The following NRG3 variants were observed in gnomAD, a reference collection of about 807,000 sequenced individuals.
NRG3 encodes the protein pro-neuregulin-3, membrane-bound isoform.
A neutral mutation model predicts 66.9 loss-of-function variants in NRG3; 31 were observed. The ratio of observed to expected loss-of-function variants is 0.46; its 90% CI spans 0.35 to 0.63. The LOEUF (loss-of-function observed/expected upper bound fraction) is 0.63, where lower values mean the gene tolerates loss of function less well. NRG3 is among the 20% of genes least tolerant of loss of function. The pLI is 0.00. For missense variants in NRG3, 910 were observed against 878.9 expected, an observed-to-expected ratio of 1.04 and a Z score of -0.45; for synonymous variants, 393 against 359.4, an observed-to-expected ratio of 1.09 and a Z score of -1.06.
At chr10:82,013,315 T>C (rs1326255034) in intron 1 of NRG3, among the ~76,000 whole-genome samples, 1 of 152,164 alleles carries the variant, frequency 6.6e-6, no homozygotes, top group African/African-American at 2.4e-5. Context: ...CTCCCATGAT[T>C]CAATTATCTC....
intron 1 of NRG3, among the ~76,000 whole-genome samples, chr10:81,973,314 G>A (rs1000782485): frequency 1.3e-5 from 2 of 152,112 alleles, no homozygotes; most frequent in African/African-American, 4.8e-5. Flanking sequence ...TATCACTGAT[G>A]GACATTTAGA....
At chr10:82,201,216 A>C (rs1266796957) in intron 1 of NRG3, among the ~76,000 whole-genome samples, 1 of 150,390 alleles carries the variant, frequency 6.6e-6, no homozygotes, top group Non-Finnish European at 1.5e-5. Context: ...AAAAAAAAAA[A>C]AGACAGCTGT....
chr10:82,556,929 A>G (rs528108784), intron 2 of NRG3, among the ~76,000 whole-genome samples: 1 of 152,298 alleles, frequency 6.6e-6, no homozygotes, highest in African/African-American at 2.4e-5. Context: ...ACTAAGGATA[A>G]TGGCCTCCAA....
At chr10:82,315,102 A>G (rs889343868) in intron 1 of NRG3, among the ~76,000 whole-genome samples, 4 of 152,112 alleles carry the variant, frequency 2.6e-5, no homozygotes, top group Admixed American at 2.0e-4. Flanking sequence ...CAATTTCCAT[A>G]CTGTATTTAT....
At chr10:82,834,904 G>C (rs1404761758) in intron 3 of NRG3, among the ~76,000 whole-genome samples, 1 of 152,176 alleles carries the variant, frequency 6.6e-6, no homozygotes, top group African/African-American at 2.4e-5. Flanking sequence ...TTCTCCTCTG[G>C]TTGTCTGAAG....
rs182957197 is a variant in NRG3 at position 81,928,075 on chromosome 10, C to T, written c.823+51912C>T. The stretch of plus-strand genomic sequence containing the variant: ...ATCACAGCTTGGGTTCAAACAGATT[C>T]AACTGCAAATCTTAAAGAAATATAT... On this transcript the variant is annotated intron_variant, in intron 1 of 8. Coordinates refer to ENST00000372141, the MANE Select transcript of NRG3 (RefSeq NM_001010848.4). 1.2e-3 allele frequency among the ~76,000 whole-genome samples: 177 copies of T among 152,228 alleles called. 1 individual carries two copies. The highest frequency in any genetic ancestry group is 0.01 in the Middle Eastern group (3 of 294).
At chr10:81,932,062 T>G (rs930730500) in intron 1 of NRG3, among the ~76,000 whole-genome samples, 19 of 152,232 alleles carry the variant, frequency 1.2e-4, no homozygotes, top group Non-Finnish European at 2.4e-4. Flanking sequence ...AGCTGGATGC[T>G]GATATCTCTT....
At chr10:81,944,383 G>T (rs192286793) in intron 1 of NRG3, among the ~76,000 whole-genome samples, 2 of 152,196 alleles carry the variant, frequency 1.3e-5, no homozygotes, top group Non-Finnish European at 2.9e-5. Flanking sequence ...TGCATAATAT[G>T]CAGTGTCTCA....
In NRG3 at chr10:82,738,569, T is replaced by A. The variant is rs2058267411; in HGVS notation, c.954-8T>A. On this transcript the variant is annotated splice_polypyrimidine_tract_variant and splice_region_variant and intron_variant, in intron 2 of 8. Coordinates refer to ENST00000372141, the MANE Select transcript of NRG3 (RefSeq NM_001010848.4). ...TGCGTATGTTTGTCATTTATCCCCTTTTCTCAGGTGCAAAGAAGGCTACCA... is the reference window on the plus strand; with the variant it reads ...TGCGTATGTTTGTCATTTATCCCCTATTCTCAGGTGCAAAGAAGGCTACCA... 6.2e-7 allele frequency: 1 copy of A among 1,613,552 alleles called. No homozygotes were observed. The highest frequency in any genetic ancestry group is 8.5e-7 in the Non-Finnish European group (1 of 1,179,462).
At chr10:82,338,707 C>T (rs1340406039) in intron 1 of NRG3, among the ~76,000 whole-genome samples, 1 of 152,136 alleles carries the variant, frequency 6.6e-6, no homozygotes, top group Non-Finnish European at 1.5e-5. Flanking sequence ...TGCTTGGTGC[C>T]AAGCACTGTG....
chr10:82,912,893 T>C (rs1321065866), intron 4 of NRG3, among the ~76,000 whole-genome samples: 4 of 152,218 alleles, frequency 2.6e-5, no homozygotes, highest in Non-Finnish European at 5.9e-5. Context: ...ATGCCTACTT[T>C]CAAATAATAC....
intron 2 of NRG3, among the ~76,000 whole-genome samples, chr10:82,512,029 A>G (rs1377317389): frequency 6.6e-6 from 1 of 152,140 alleles, no homozygotes; most frequent in Admixed American, 6.5e-5. Context: ...GAGTGTGCCT[A>G]TATTCTCCAA....
chr10:82,104,615 T>C (rs1415480885), intron 1 of NRG3, among the ~76,000 whole-genome samples: 1 of 152,162 alleles, frequency 6.6e-6, no homozygotes, highest in Non-Finnish European at 1.5e-5. Context: ...ATTTAAAACA[T>C]CAATAAAGAA....
At chr10:82,246,922 T>G (rs1473812843) in intron 1 of NRG3, among the ~76,000 whole-genome samples, 2 of 152,138 alleles carry the variant, frequency 1.3e-5, no homozygotes, top group Non-Finnish European at 2.9e-5. Context: ...CTTGGCTACA[T>G]AAGAGAACTG....
intron 2 of NRG3, among the ~76,000 whole-genome samples, chr10:82,609,871 A>C (rs369415448): frequency 3.9e-5 from 6 of 152,318 alleles, no homozygotes; most frequent in African/African-American, 1.4e-4. Context: ...ATTACCACAA[A>C]TTTAGCAACT....
chr10:82,829,844 T>C (rs1247955323), intron 3 of NRG3, among the ~76,000 whole-genome samples: 2 of 152,190 alleles, frequency 1.3e-5, no homozygotes, highest in African/African-American at 2.4e-5. Context: ...TAATCAAACC[T>C]ATATTTTGGT....
At chr10:82,232,999 T>G in intron 1 of NRG3, 1 of 586,902 alleles carries the variant, frequency 1.7e-6, no homozygotes, top group East Asian at 2.8e-5. Context: ...TTCCAGGGTA[T>G]GTGGGCAAGG....
At chr10:82,127,948 A>G (rs1590211348) in intron 1 of NRG3, among the ~76,000 whole-genome samples, 1 of 151,976 alleles carries the variant, frequency 6.6e-6, no homozygotes, top group Non-Finnish European at 1.5e-5. Flanking sequence ...TTTTCAAATC[A>G]TGGAGTGGTT....
At chr10:82,470,636 A>C (rs951452214) in intron 2 of NRG3, among the ~76,000 whole-genome samples, 1 of 152,212 alleles carries the variant, frequency 6.6e-6, no homozygotes, top group Non-Finnish European at 1.5e-5. Flanking sequence ...CAGTGCCCAG[A>C]ACTCAGCCAG....
Sources: allele counts gnomAD v4.1 joint callset (sites outside exome capture counted in the v4.1 genomes callset), GRCh38; gene constraint gnomAD v4.1.1; transcripts MANE v1.5; gene names NCBI Gene and HGNC (gene_info 2026-07-23, HGNC 2026-07-21).